The following STARD13 variants were observed in gnomAD, a reference collection of about 807,000 sequenced individuals.
STARD13 encodes the protein StAR related lipid transfer domain containing 13.
In STARD13, 62 loss-of-function variants were observed where a neutral mutation model predicts 106.4. That is an observed-to-expected ratio of 0.58 (90% confidence interval 0.48 to 0.72). STARD13 has a LOEUF of 0.72. STARD13 is among the 30% of genes least tolerant of loss of function. The probability of loss-of-function intolerance (pLI) is 0.00; values close to 1 mark genes in which losing one functional copy is unlikely to be tolerated. For missense variants in STARD13, 1,387 were observed against 1,424.0 expected, an observed-to-expected ratio of 0.97 and a Z score of 0.42; for synonymous variants, 565 against 553.0, an observed-to-expected ratio of 1.02 and a Z score of -0.31.
At chr13:33,244,982 G>A (rs1889748923) in intron 1 of STARD13, among the ~76,000 whole-genome samples, 1 of 152,232 alleles carries the variant, frequency 6.6e-6, no homozygotes, top group South Asian at 2.1e-4. Context: ...TGTCTCTGAA[G>A]TGAGGAAGAA....
chr13:33,352,391 C>G (rs1008642479), upstream of STARD13, among the ~76,000 whole-genome samples: 1 of 152,132 alleles, frequency 6.6e-6, no homozygotes, highest in African/African-American at 2.4e-5. Context: ...ATCAAACAGA[C>G]GCAATAGTTT....
the STARD13 span, among the ~76,000 whole-genome samples, chr13:33,653,853 T>TA: frequency 6.6e-6 from 1 of 152,134 alleles, no homozygotes; most frequent in African/African-American, 2.4e-5. Flanking sequence ...TAACGCAATT[T>TA]AAAAAATGGG....
the STARD13 span, among the ~76,000 whole-genome samples, chr13:33,512,013 T>C: frequency 6.6e-6 from 1 of 152,146 alleles, no homozygotes; most frequent in South Asian, 2.1e-4. Flanking sequence ...GAAGACAATT[T>C]GGATGGAGAC....
At chr13:33,385,799 C>G in the STARD13 span, among the ~76,000 whole-genome samples, 1 of 142,996 alleles carries the variant, frequency 7.0e-6, no homozygotes, top group African/African-American at 2.6e-5. Flanking sequence ...TGCAGTGAGC[C>G]GAGATTGTGC....
the STARD13 span, among the ~76,000 whole-genome samples, chr13:33,448,875 GC>G: frequency 2.0e-5 from 3 of 151,846 alleles, no homozygotes; most frequent in East Asian, 5.8e-4. Context: ...ATATTTCTTG[GC>G]CATTTGTATG....
chr13:33,539,892 A>G, the STARD13 span, among the ~76,000 whole-genome samples: 1 of 152,250 alleles, frequency 6.6e-6, no homozygotes, highest in African/African-American at 2.4e-5. Flanking sequence ...CAGGCCACAG[A>G]CTGGGAGAAA....
the STARD13 span, among the ~76,000 whole-genome samples, chr13:33,589,896 G>A: frequency 6.6e-6 from 1 of 152,034 alleles, no homozygotes; most frequent in Non-Finnish European, 1.5e-5. Flanking sequence ...GTTGACAGTG[G>A]GGTGTTAAAG....
chr13:33,302,588 A>C (rs987288971), intron 1 of STARD13, among the ~76,000 whole-genome samples: 1 of 151,836 alleles, frequency 6.6e-6, no homozygotes, highest in African/African-American at 2.4e-5. Flanking sequence ...ATACCTAGCT[A>C]ATGTTTGTAT....
the STARD13 span, among the ~76,000 whole-genome samples, chr13:33,478,148 G>T: frequency 6.6e-6 from 1 of 152,048 alleles, no homozygotes; most frequent in African/African-American, 2.4e-5. Flanking sequence ...ATTTTAGTTG[G>T]CTGGGGAGAT....
chr13:33,630,457 C>T, the STARD13 span, among the ~76,000 whole-genome samples: 13 of 152,272 alleles, frequency 8.5e-5, no homozygotes, highest in South Asian at 4.1e-4. Flanking sequence ...GGCCTGCTGC[C>T]GCCACCACAT....
At chr13:33,376,147 TACACCC>T in the STARD13 span, among the ~76,000 whole-genome samples, 1 of 152,154 alleles carries the variant, frequency 6.6e-6, no homozygotes. Context: ...TGTGTAAAGC[TACACCC>T]TAGCTTTAAG....
chr13:33,378,664 C>T, the STARD13 span, among the ~76,000 whole-genome samples: 1 of 151,886 alleles, frequency 6.6e-6, no homozygotes, highest in African/African-American at 2.4e-5. Flanking sequence ...GTGGCGGGCG[C>T]CTGTAGTCCC....
At chr13:33,451,131 C>T in the STARD13 span, among the ~76,000 whole-genome samples, 1 of 152,144 alleles carries the variant, frequency 6.6e-6, no homozygotes, top group Non-Finnish European at 1.5e-5. Context: ...CCTTCCACCT[C>T]TATCTCCTAA....
intron 1 of STARD13, among the ~76,000 whole-genome samples, chr13:33,261,050 A>G (rs1256622378): frequency 6.6e-6 from 1 of 152,124 alleles, no homozygotes; most frequent in Non-Finnish European, 1.5e-5. Context: ...TTCAAAGAAG[A>G]CTCTGGTACA....
chr13:33,249,064 T>C (rs1889969328), intron 1 of STARD13, among the ~76,000 whole-genome samples: 1 of 152,172 alleles, frequency 6.6e-6, no homozygotes, highest in Non-Finnish European at 1.5e-5. Context: ...CCATTGCAAA[T>C]GTGTTTCATG....
At chr13:33,551,569 C>T in the STARD13 span, among the ~76,000 whole-genome samples, 69,752 of 70,668 alleles carry the variant, frequency 0.99, 34,425 homozygotes, top group South Asian at 0.99. Flanking sequence ...TTGCTTTTCC[C>T]TTTTTTTTTT....
At chr13:33,479,744 A>G in the STARD13 span, among the ~76,000 whole-genome samples, 2 of 152,116 alleles carry the variant, frequency 1.3e-5, no homozygotes, top group African/African-American at 4.8e-5. Context: ...ATAGTTTAGC[A>G]CCATTCTCTT....
chr13:33,369,445 C>T, the STARD13 span, among the ~76,000 whole-genome samples: 1 of 151,996 alleles, frequency 6.6e-6, no homozygotes, highest in Non-Finnish European at 1.5e-5. Context: ...CGTTAGTTAC[C>T]AAAAAAATAA....
At chr13:33,329,527 G>A (rs752119018) in intron 1 of STARD13, among the ~76,000 whole-genome samples, 7 of 152,034 alleles carry the variant, frequency 4.6e-5, no homozygotes, top group Non-Finnish European at 8.8e-5. Context: ...AGATCATGCA[G>A]TATTTCTCTT....
Sources: gnomAD v4.1 joint callset for allele counts (sites outside exome capture counted in the v4.1 genomes callset) on GRCh38, gnomAD v4.1.1 for gene constraint, MANE v1.5 for transcripts, NCBI Gene and HGNC (gene_info 2026-07-23, HGNC 2026-07-21) for gene names.